ARHGAP10: variants seen among roughly 807,000 people sequenced by gnomAD.
The protein encoded by ARHGAP10 is rho GTPase-activating protein 10.
Under a neutral mutation model 108.6 loss-of-function variants are expected in ARHGAP10, and 87 were observed. The ratio of observed to expected loss-of-function variants is 0.80; its 90% confidence interval spans 0.67 to 0.96. The LOEUF (loss-of-function observed/expected upper bound fraction) is 0.96. ARHGAP10 is among the 40% of genes least tolerant of loss of function. The pLI is 0.00. For synonymous variants in ARHGAP10, 347 were observed against 341.1 expected (o/e 1.02, Z -0.19); for missense variants, 939 against 954.5 (o/e 0.98, Z 0.21).
At chr4:147,847,322 C>A (rs185378415) in intron 4 of ARHGAP10, 100 bp downstream of exon 4, 3 of 1,074,036 alleles carry the variant, frequency 2.8e-6, no homozygotes, top group South Asian at 2.9e-5. Flanking sequence ...GATGCCGGAG[C>A]AAACCATCTG....
chr4:147,817,387 C>T (rs1732295161), intron 1 of ARHGAP10, among the ~76,000 whole-genome samples: 1 of 152,122 alleles, frequency 6.6e-6, no homozygotes, highest in Non-Finnish European at 1.5e-5. Context: ...GTCTGTTTGT[C>T]TAATATCTCA....
intron 18 of ARHGAP10, among the ~76,000 whole-genome samples, chr4:147,981,019 T>G (rs1283086162): frequency 1.3e-5 from 2 of 152,198 alleles, no homozygotes; most frequent in Non-Finnish European, 2.9e-5. Flanking sequence ...AACCAACTTT[T>G]CATTTTATTG....
intron 18 of ARHGAP10, among the ~76,000 whole-genome samples, chr4:148,013,048 T>C (rs1741225661): frequency 6.6e-6 from 1 of 152,046 alleles, no homozygotes; most frequent in African/African-American, 2.4e-5. Flanking sequence ...GAAAAAAATG[T>C]TTATCAATTA....
intron 18 of ARHGAP10, among the ~76,000 whole-genome samples, chr4:148,015,198 G>A (rs1287869394): frequency 6.6e-6 from 1 of 152,128 alleles, no homozygotes; most frequent in Non-Finnish European, 1.5e-5. Context: ...AAATCACTAT[G>A]AGGAATTTCA....
At chr4:147,903,764 A>C (rs1433644832) in intron 10 of ARHGAP10, among the ~76,000 whole-genome samples, 1 of 152,192 alleles carries the variant, frequency 6.6e-6, no homozygotes. Context: ...AGCTCCCTCC[A>C]TGTCTTCTCA....
At chr4:147,848,829 C>A (rs1733739639) in intron 4 of ARHGAP10, among the ~76,000 whole-genome samples, 2 of 152,184 alleles carry the variant, frequency 1.3e-5, no homozygotes, top group Non-Finnish European at 2.9e-5. Context: ...CTGATGTTAA[C>A]ATTTGTTCAG....
intron 1 of ARHGAP10, among the ~76,000 whole-genome samples, chr4:147,794,832 T>G (rs149414657): frequency 6.6e-6 from 1 of 152,310 alleles, no homozygotes; most frequent in Non-Finnish European, 1.5e-5. Context: ...ATTTTAATGT[T>G]CTTGTGGTGT....
At chr4:147,836,651 A>T (rs1357741728) in intron 3 of ARHGAP10, among the ~76,000 whole-genome samples, 1 of 66,054 alleles carries the variant, frequency 1.5e-5, no homozygotes, top group Non-Finnish European at 6.5e-5. Context: ...GGGTTCCTTA[A>T]ATCTAAGTAC....
At chr4:147,741,646 G>T (rs1241670600) in intron 1 of ARHGAP10, among the ~76,000 whole-genome samples, 3 of 151,918 alleles carry the variant, frequency 2.0e-5, no homozygotes, top group African/African-American at 7.3e-5. Context: ...ATTGCCAGGG[G>T]GATGCTTTTG....
At chr4:147,939,208 A>G (rs1385724007) in intron 13 of ARHGAP10, among the ~76,000 whole-genome samples, 1 of 152,138 alleles carries the variant, frequency 6.6e-6, no homozygotes, top group African/African-American at 2.4e-5. Flanking sequence ...TTTCTTTTAT[A>G]TGTCTCTTGT....
chr4:147,922,809 A>G (rs1737305636), intron 13 of ARHGAP10, among the ~76,000 whole-genome samples: 1 of 151,930 alleles, frequency 6.6e-6, no homozygotes, highest in Admixed American at 6.6e-5. Flanking sequence ...TTCCTTCTTC[A>G]TCCTTCTCCT....
intron 18 of ARHGAP10, among the ~76,000 whole-genome samples, chr4:147,987,146 AAT>A (rs1740076494): frequency 6.6e-6 from 1 of 152,246 alleles, no homozygotes; most frequent in Admixed American, 6.5e-5. Flanking sequence ...AGTATCACAT[AAT>A]ATATGAAAAA....
intron 8 of ARHGAP10, among the ~76,000 whole-genome samples, chr4:147,876,422 C>G (rs887278900): frequency 1.3e-5 from 2 of 152,066 alleles, no homozygotes; most frequent in Admixed American, 6.6e-5. Flanking sequence ...GAAACCCTGT[C>G]TCTACTAAAA....
chr4:147,740,562 G>A (rs565187982), intron 1 of ARHGAP10, among the ~76,000 whole-genome samples: 1 of 152,196 alleles, frequency 6.6e-6, no homozygotes, highest in South Asian at 2.1e-4. Context: ...CCCCTCTGGG[G>A]CCATTATTAT....
chr4:147,881,969 C>A, intron 10 of ARHGAP10, 37 bp downstream of exon 10: 2 of 1,581,110 alleles, frequency 1.3e-6, no homozygotes, highest in South Asian at 2.3e-5. Context: ...GTGAAAGAGT[C>A]GTTTTAAAAA....
intron 20 of ARHGAP10, among the ~76,000 whole-genome samples, chr4:148,048,070 G>T (rs1300387706): frequency 6.6e-6 from 1 of 152,130 alleles, no homozygotes; most frequent in Non-Finnish European, 1.5e-5. Flanking sequence ...TGATCCACCC[G>T]CCTTGGCCTC....
At chr4:147,948,184 C>T (rs945650054) in intron 15 of ARHGAP10, among the ~76,000 whole-genome samples, 9 of 151,926 alleles carry the variant, frequency 5.9e-5, no homozygotes, top group Non-Finnish European at 7.4e-5. Context: ...GTGATCTATC[C>T]GCCTTAGCCT....
chr4:147,787,253 C>G (rs573724358), intron 1 of ARHGAP10, among the ~76,000 whole-genome samples: 1 of 152,114 alleles, frequency 6.6e-6, no homozygotes, highest in East Asian at 1.9e-4. Flanking sequence ...TTTATTTTTT[C>G]TTTTCCTTGG....
chr4:147,883,427 C>T (rs536663988), intron 10 of ARHGAP10, among the ~76,000 whole-genome samples: 9 of 152,288 alleles, frequency 5.9e-5, no homozygotes, highest in African/African-American at 1.2e-4. Context: ...TAACACAAGT[C>T]GAGCATACAT....
Sources: allele counts gnomAD v4.1 joint callset (sites outside exome capture counted in the v4.1 genomes callset), GRCh38; gene constraint gnomAD v4.1.1; transcripts MANE v1.5; gene names NCBI Gene and HGNC (gene_info 2026-07-23, HGNC 2026-07-21).